EIF4E3: variants seen among roughly 807,000 people sequenced by gnomAD.
EIF4E3 encodes eukaryotic translation initiation factor 4E type 3.
EIF4E3 carries 26 observed loss-of-function variants against 31.7 expected under a neutral mutation model. The observed-to-expected ratio is 0.82, with a 90% CI of 0.60 to 1.14. The LOEUF is 1.14. Among genes scored for constraint, EIF4E3 ranks in the 50% most tolerant of loss-of-function variants. The pLI is 0.00. For missense variants in EIF4E3, 304 were observed against 270.9 expected (o/e 1.12, Z -0.86); for synonymous variants, 128 against 107.7 (o/e 1.19, Z -1.17).
intron 2 of EIF4E3, 39 bp from the exon 3 acceptor site, chr3:71,699,747 G>T (rs760191045): frequency 1.3e-6 from 2 of 1,530,174 alleles, no homozygotes; most frequent in South Asian, 1.1e-5. Context: ...AATATACCCA[G>T]TATTGATTTA....
chr3:71,703,296 G>A (rs948454962), intron 2 of EIF4E3, among the ~76,000 whole-genome samples: 1 of 152,184 alleles, frequency 6.6e-6, no homozygotes, highest in Non-Finnish European at 1.5e-5. Flanking sequence ...GTATGTTCTG[G>A]AACACCAATC....
intron 3 of EIF4E3, 84 bp from the exon 4 acceptor site, chr3:71,696,604 T>C: frequency 1.3e-6 from 2 of 1,509,540 alleles, no homozygotes; most frequent in Non-Finnish European, 1.8e-6. Context: ...TTCATACATT[T>C]AGTTTAACAA....
At chr3:71,727,313 A>G (rs1055283230), upstream of EIF4E3, among the ~76,000 whole-genome samples, 17 of 152,246 alleles carry the variant, frequency 1.1e-4, no homozygotes, top group African/African-American at 4.1e-4. Context: ...TTATAAATCT[A>G]TATCTTTTTT....
At position 71,683,962 on chromosome 3, in the gene EIF4E3, G is replaced by A. The variant is rs750252432; in HGVS notation, c.*720C>T. On this transcript the variant is annotated 3_prime_UTR_variant, in exon 7 of 7. Coordinates refer to ENST00000425534, the MANE Select transcript of EIF4E3 (RefSeq NM_001134651.2). ...TCGGGTTAGAAATGTTTCCACAGAG[G>A]GTCCAAAGACTTAGAGCTTGATTTA... The A allele has an allele frequency of 6.6e-6, 1 of 152,000 alleles. No individual in the cohort carries two copies. The highest frequency in any genetic ancestry group is 2.4e-5 in the African/African-American group (1 of 41,378). 9.4% of individuals were successfully genotyped at this position (152,000 alleles called of 1,614,324 possible).
chr3:71,685,761 A>G lies in EIF4E3; in HGVS notation c.629-1033T>C, dbSNP rs142534710. Among the ~76,000 whole-genome samples the G allele has an allele frequency of 1.6e-3, 240 of 152,370 alleles. 6 individuals are homozygous for G. In the East Asian group the frequency reaches 0.042, roughly 27 times the overall value. ...TGCCACAGGGAGACCTACGAAATAC[A>G]TAACATTTTCTCTAAGGCAAAAGAC... On this transcript the variant is annotated intron_variant, in intron 6 of 6. Transcript: ENST00000425534.
chr3:71,717,537 T>C (rs1203516027), intron 1 of EIF4E3, among the ~76,000 whole-genome samples: 1 of 152,174 alleles, frequency 6.6e-6, no homozygotes, highest in African/African-American at 2.4e-5. Context: ...TCATCTCCCA[T>C]GAAACTGGCT....
At chr3:71,697,621 G>T (rs1559594180) in intron 3 of EIF4E3, among the ~76,000 whole-genome samples, 6 of 143,918 alleles carry the variant, frequency 4.2e-5, no homozygotes, top group Non-Finnish European at 9.2e-5. Context: ...TCAGTTCAGG[G>T]TTTTTTTTTT....
rs565064542 is a variant in EIF4E3, at chr3:71,680,713, C to T, written c.*3969G>A. 7.2e-5 allele frequency: 11 copies of T among 152,312 alleles called. No homozygotes were observed. In the East Asian group the frequency reaches 1.2e-3, roughly 16 times the overall value. 9.4% of individuals were successfully genotyped at this position (152,312 alleles called of 1,614,324 possible). A position where few individuals can be genotyped will look rare whatever the true frequency, so the allele number is the denominator to read the frequency against. On this transcript the variant is annotated 3_prime_UTR_variant, in exon 7 of 7. Transcript: ENST00000425534. ...TGACCACAGGTTCAAAGGGACTTTT[C>T]GTTGCCTCTCAGTCCCTATTTTTTC...
chr3:71,698,273 C>A (rs1427317908), intron 3 of EIF4E3, among the ~76,000 whole-genome samples: 1 of 152,146 alleles, frequency 6.6e-6, no homozygotes, highest in Non-Finnish European at 1.5e-5. Context: ...GATCCTCATC[C>A]TCAAAGCACT....
At chr3:71,659,843 T>C in the EIF4E3 span, among the ~76,000 whole-genome samples, 33 of 152,224 alleles carry the variant, frequency 2.2e-4, no homozygotes, top group East Asian at 6.2e-3. Context: ...GAACAGAACA[T>C]AAGGCAGTTA....
chr3:71,709,696 G>C (rs1257003078), intron 2 of EIF4E3, among the ~76,000 whole-genome samples: 2 of 152,068 alleles, frequency 1.3e-5, no homozygotes, highest in African/African-American at 4.8e-5. Context: ...TGTTTTTTCA[G>C]TTGTGTTTTT....
At chr3:71,735,460 G>A (rs2049753040) in intron 1 of EIF4E3, among the ~76,000 whole-genome samples, 1 of 152,160 alleles carries the variant, frequency 6.6e-6, no homozygotes, top group Admixed American at 6.5e-5. Flanking sequence ...TTAGTAACTA[G>A]TTTTTCTACA....
At chr3:71,744,030 G>T (rs2049847227) in intron 1 of EIF4E3, among the ~76,000 whole-genome samples, 1 of 151,944 alleles carries the variant, frequency 6.6e-6, no homozygotes, top group Admixed American at 6.6e-5. Flanking sequence ...TCACAACCAT[G>T]GTTTAGGCAA....
At chr3:71,737,285 T>C (rs2049773482) in intron 1 of EIF4E3, among the ~76,000 whole-genome samples, 2 of 152,232 alleles carry the variant, frequency 1.3e-5, no homozygotes, top group Admixed American at 6.5e-5. Context: ...CTTTGACTTA[T>C]GAAAATATTC....
chr3:71,750,477 C>T (rs1021134020), intron 1 of EIF4E3, among the ~76,000 whole-genome samples: 8 of 152,190 alleles, frequency 5.3e-5, no homozygotes, highest in African/African-American at 1.9e-4. Context: ...TTGAAAAATC[C>T]TTCCCTCTCG....
chr3:71,719,927 T>A (rs913085159), intron 1 of EIF4E3, among the ~76,000 whole-genome samples: 1 of 151,842 alleles, frequency 6.6e-6, no homozygotes, highest in South Asian at 2.1e-4. Context: ...GGTGGAGGGA[T>A]TGCTTGAGCC....
At chr3:71,706,091 A>C (rs2049289647) in intron 2 of EIF4E3, among the ~76,000 whole-genome samples, 1 of 152,238 alleles carries the variant, frequency 6.6e-6, no homozygotes, top group South Asian at 2.1e-4. Context: ...GGAAAGTAGA[A>C]ATGAATTTAA....
Position 71,677,272 on chromosome 3 carries a change from A to G in EIF4E3, c.*7410T>C, listed in dbSNP as rs898880723. ...TAACTTGCTGGCCCTTGCAAATGCT[A>G]CTGTTTTTTCTTTTCTTCATGTAAC... On this transcript the variant is annotated 3_prime_UTR_variant, in exon 7 of 7. Transcript: ENST00000425534. 3 of 152,204 alleles carry G rather than the reference A, an allele frequency of 2.0e-5. No homozygotes were observed. Among genetic ancestry groups the G allele is most frequent in the Non-Finnish European group, 2.9e-5 (2 of 68,022 alleles). The allele number at this position is 152,204 out of a possible 1,614,324, so 9.4% of individuals were successfully genotyped here.
Position 71,681,774 on chromosome 3 carries a change from T to C in EIF4E3, c.*2908A>G, listed in dbSNP as rs1341269717. 2.0e-5 allele frequency: 3 copies of C among 152,142 alleles called. No individual in the cohort carries two copies. The highest frequency in any genetic ancestry group is 6.5e-5 in the Admixed American group (1 of 15,272). The allele number at this position is 152,142 out of a possible 1,614,324, so 9.4% of individuals were successfully genotyped here. ...CTATAGGACCCAATTATACCTAAAG[T>C]TTCTAAGCTATAAAGTCTTGTGACT... On this transcript the variant is annotated 3_prime_UTR_variant, in exon 7 of 7. Transcript: ENST00000425534.
Sources: gnomAD v4.1 joint callset for allele counts (sites outside exome capture counted in the v4.1 genomes callset) on GRCh38, gnomAD v4.1.1 for gene constraint, MANE v1.5 for transcripts, NCBI Gene and HGNC (gene_info 2026-07-23, HGNC 2026-07-21) for gene names.